Variants in ZNF804A observed in about 807,000 individuals in gnomAD.
The protein encoded by ZNF804A is zinc finger protein 804A.
ZNF804A carries 2 observed loss-of-function variants against 16.5 expected under a neutral mutation model. The observed-to-expected ratio is 0.12, with a 90% CI of 0.05 to 0.38. The LOEUF (loss-of-function observed/expected upper bound fraction) is 0.38. ZNF804A is among the 10% of genes least tolerant of loss of function. ZNF804A has a pLI of 0.99. For synonymous variants in ZNF804A, 534 were observed against 489.6 expected, an observed-to-expected ratio of 1.09 and a Z score of -1.20; for missense variants, 1,473 against 1,390.7, an observed-to-expected ratio of 1.06 and a Z score of -0.94.
At chr2:184,859,787 G>A (rs1390348934) in intron 1 of ZNF804A, among the ~76,000 whole-genome samples, 1 of 152,190 alleles carries the variant, frequency 6.6e-6, no homozygotes, top group East Asian at 1.9e-4. Context: ...AGGCCACCTG[G>A]CATGATTCAA....
rs191099794 is a variant in ZNF804A, at chr2:184,656,670, G to T, written c.111+57600G>T. ...TTTCTTTATCTTTTCTTTATCTTGTGTGTGTATATATACATATATACACAC... is the reference window on the plus strand; with the variant it reads ...TTTCTTTATCTTTTCTTTATCTTGTTTGTGTATATATACATATATACACAC... On this transcript the variant is annotated intron_variant, in intron 1 of 3. Coordinates refer to ENST00000302277, the MANE Select transcript of ZNF804A (RefSeq NM_194250.2). 4.0e-4 allele frequency among the ~76,000 whole-genome samples: 60 copies of T among 151,458 alleles called. No homozygotes were observed. The East Asian group carries it at 9.5e-3, about 24-fold the overall frequency.
At chr2:184,847,951 C>G (rs1477547176) in intron 1 of ZNF804A, among the ~76,000 whole-genome samples, 1 of 152,070 alleles carries the variant, frequency 6.6e-6, no homozygotes, top group Admixed American at 6.6e-5. Context: ...GTGGAGCTTC[C>G]TTGCCCTCTG....
Position 184,935,900 on chromosome 2 carries a change from T to C in ZNF804A, c.504T>C (p.Tyr168=), listed in dbSNP as rs1685776398. The C allele has an allele frequency of 1.2e-6, 2 of 1,613,938 alleles. No homozygotes were observed. The highest frequency in any genetic ancestry group is 1.7e-4 in the Middle Eastern group (1 of 6,060). ...TTAATAACCAGCAAGATTTCAAATA[T>C]ACTTTGATTCATAGTGAAGAGAATA... is the stretch of plus-strand genomic sequence containing the variant. ...DSVNNQQDFK[Y]TLIHSEENTK... The change falls in exon 4 of 4, where the codon TAT becomes TAC. Residue 168 remains tyrosine (Y), a synonymous_variant. Coordinates refer to ENST00000302277, the MANE Select transcript of ZNF804A (RefSeq NM_194250.2).
At chr2:184,747,349 T>C (rs563010813) in intron 1 of ZNF804A, among the ~76,000 whole-genome samples, 1 of 147,064 alleles carries the variant, frequency 6.8e-6, no homozygotes, top group South Asian at 2.1e-4. Context: ...AAAAGAAATG[T>C]TTGAAATAAA....
chr2:184,760,564 T>C (rs963668863), intron 1 of ZNF804A, among the ~76,000 whole-genome samples: 1 of 152,142 alleles, frequency 6.6e-6, no homozygotes, highest in Admixed American at 6.6e-5. Context: ...TATATCTTAA[T>C]TGGCCAAACA....
intron 1 of ZNF804A, among the ~76,000 whole-genome samples, chr2:184,651,623 T>C (rs1281747928): frequency 6.6e-6 from 1 of 151,934 alleles, no homozygotes; most frequent in African/African-American, 2.4e-5. Context: ...TATTTAAAAG[T>C]AGGCAAAAAA....
At chr2:184,783,255 C>G (rs960913753) in intron 1 of ZNF804A, among the ~76,000 whole-genome samples, 1 of 142,052 alleles carries the variant, frequency 7.0e-6, no homozygotes, top group Non-Finnish European at 1.5e-5. Context: ...GCAACAGTAT[C>G]TGGCCCAAAA....
chr2:184,719,897 T>A (rs374643169), intron 1 of ZNF804A, among the ~76,000 whole-genome samples: 1 of 152,154 alleles, frequency 6.6e-6, no homozygotes, highest in Non-Finnish European at 1.5e-5. Flanking sequence ...ACTTCCACAT[T>A]TTTTGGTATC....
chr2:184,882,796 G>A (rs1417754220), intron 2 of ZNF804A, among the ~76,000 whole-genome samples: 1 of 151,932 alleles, frequency 6.6e-6, no homozygotes, highest in Non-Finnish European at 1.5e-5. Context: ...GTGTTAAGAG[G>A]GAGGTTTATA....
chr2:184,749,054 G>C (rs976030402), intron 1 of ZNF804A, among the ~76,000 whole-genome samples: 1 of 151,448 alleles, frequency 6.6e-6, no homozygotes, highest in Non-Finnish European at 1.5e-5. Flanking sequence ...GCTTATAATT[G>C]CCTTTGCTAT....
intron 1 of ZNF804A, among the ~76,000 whole-genome samples, chr2:184,662,923 A>G (rs1342415401): frequency 6.6e-6 from 1 of 152,204 alleles, no homozygotes; most frequent in African/African-American, 2.4e-5. Flanking sequence ...AAAACTTCAT[A>G]AGTATTTAGA....
intron 1 of ZNF804A, among the ~76,000 whole-genome samples, chr2:184,696,927 A>G (rs909929381): frequency 1.3e-5 from 2 of 152,024 alleles, no homozygotes; most frequent in East Asian, 3.8e-4. Context: ...TAACGAAAAA[A>G]AATCACCCAG....
chr2:184,706,128 C>A (rs1233422217), intron 1 of ZNF804A, among the ~76,000 whole-genome samples: 1 of 152,148 alleles, frequency 6.6e-6, no homozygotes, highest in African/African-American at 2.4e-5. Context: ...TTTTTTCAGT[C>A]ATGTTCCTTC....
rs146555759 is a variant in ZNF804A at position 184,750,924 on chromosome 2, A to T, written c.112-115445A>T. ...TTAGATTTTACATATAAGTGAAATCATGGAGTACTTGTGTTTCTATATCTG... is the reference window on the plus strand; with the variant it reads ...TTAGATTTTACATATAAGTGAAATCTTGGAGTACTTGTGTTTCTATATCTG... On this transcript the variant is annotated intron_variant, in intron 1 of 3. Coordinates refer to ENST00000302277, the MANE Select transcript of ZNF804A (RefSeq NM_194250.2). Among the ~76,000 whole-genome samples the T allele has an allele frequency of 9.1e-3, 1,381 of 151,552 alleles. 23 individuals are homozygous for T. Among genetic ancestry groups the T allele is most frequent in the African/African-American group, 0.032 (1,320 of 41,486 alleles).
intron 1 of ZNF804A, among the ~76,000 whole-genome samples, chr2:184,708,275 C>G (rs188932193): frequency 6.6e-6 from 1 of 151,862 alleles, no homozygotes; most frequent in East Asian, 1.9e-4. Context: ...AATTAGGTCC[C>G]GCTTGTCAAT....
At chr2:184,857,233 CTGAT>C (rs554546756) in intron 1 of ZNF804A, among the ~76,000 whole-genome samples, 107 of 152,018 alleles carry the variant, frequency 7.0e-4, no homozygotes, top group African/African-American at 1.9e-3. Context: ...TCTTCAGTGA[CTGAT>C]TGGTTGTTCA....
intron 1 of ZNF804A, among the ~76,000 whole-genome samples, chr2:184,626,573 A>G (rs1691504457): frequency 6.6e-6 from 1 of 152,168 alleles, no homozygotes; most frequent in Admixed American, 6.6e-5. Context: ...GTGCTCAACA[A>G]GTAAATTATT....
intron 1 of ZNF804A, among the ~76,000 whole-genome samples, chr2:184,794,357 A>G (rs1694598186): frequency 6.6e-6 from 1 of 151,914 alleles, no homozygotes; most frequent in Non-Finnish European, 1.5e-5. Flanking sequence ...TTTGTTGGCC[A>G]TTCGTATATC....
chr2:184,654,125 C>A (rs1219891568), intron 1 of ZNF804A, among the ~76,000 whole-genome samples: 2 of 152,194 alleles, frequency 1.3e-5, no homozygotes, highest in African/African-American at 4.8e-5. Context: ...CCTACTCTAA[C>A]AAGATACACA....
Sources: gnomAD v4.1 joint callset for allele counts (sites outside exome capture counted in the v4.1 genomes callset) on GRCh38, gnomAD v4.1.1 for gene constraint, MANE v1.5 for transcripts, NCBI Gene and HGNC (gene_info 2026-07-23, HGNC 2026-07-21) for gene names.